The following ECE1 variants were observed in gnomAD, a reference collection of about 807,000 sequenced individuals.
ECE1 encodes endothelin-converting enzyme 1.
In ECE1, 35 loss-of-function variants were observed where a neutral mutation model predicts 98.6. That is an observed-to-expected ratio of 0.35 (90% CI 0.27 to 0.47). The LOEUF is 0.47. Among genes scored for constraint, ECE1 ranks in the 20% least tolerant of loss-of-function variants. ECE1 has a pLI of 1.00. For missense variants in ECE1, 814 were observed against 1,025.3 expected, an observed-to-expected ratio of 0.79 and a Z score of 2.81; for synonymous variants, 394 against 407.1, an observed-to-expected ratio of 0.97 and a Z score of 0.39.
chr1:21,324,896 G>A (rs1639044506), intron 1 of ECE1, among the ~76,000 whole-genome samples: 1 of 152,204 alleles, frequency 6.6e-6, no homozygotes, highest in African/African-American at 2.4e-5. Flanking sequence ...TTTCCTGAAC[G>A]AGCTTTATGG....
intron 2 of ECE1, among the ~76,000 whole-genome samples, chr1:21,281,213 A>AAACAT (rs1206399806): frequency 6.6e-6 from 1 of 152,016 alleles, no homozygotes; most frequent in Non-Finnish European, 1.5e-5. Context: ...AAACAAAACA[A>AAACAT]AACAAAACAA....
Position 21,345,240 on chromosome 1 carries a change from CG to C in ECE1, c.3+135del. The C allele has an allele frequency of 8.8e-7, 1 of 1,131,324 alleles. No individual in the cohort carries two copies. Among genetic ancestry groups the C allele is most frequent in the Non-Finnish European group, 1.1e-6 (1 of 915,836 alleles). The allele number at this position is 1,131,324 out of a possible 1,614,324, so 70.1% of individuals were successfully genotyped here. ...CCCCGACTCCACGCCTTCCGAGAGC[CG>C]GGCGGGGGCTGCTGCTGCAGCCGGC... On this transcript the variant is annotated intron_variant, in intron 1 of 18. Transcript: ENST00000415912. The surrounding 1 kb of genome is among the most constrained non-coding windows in gnomAD (Gnocchi z 5.1).
At chr1:21,341,695 G>A (rs1476418877) in intron 1 of ECE1, among the ~76,000 whole-genome samples, 1 of 152,216 alleles carries the variant, frequency 6.6e-6, no homozygotes, top group Non-Finnish European at 1.5e-5. Flanking sequence ...GGCTGCCCAG[G>A]GTGAAGTACG....
At chr1:21,256,688 C>T (rs2098220402) in intron 7 of ECE1, 1 of 153,262 alleles carries the variant, frequency 6.5e-6, no homozygotes, top group African/African-American at 2.4e-5. Context: ...AGGTCCCCAC[C>T]TGGGCTGGTC....
rs2098234537 is a variant in ECE1, at chr1:21,266,850, T to TG, written c.493+5848dup. On this transcript the variant is annotated intron_variant, in intron 4 of 18. Transcript: ENST00000374893. ...TGCTTCCCTGTCCTTTCCTGCAGGT[T>TG]GGCTCAGAAAACCGGAGGTGAAGCT... 3 of 152,362 alleles carry TG rather than the reference T, an allele frequency of 2.0e-5. No homozygotes were observed. In the South Asian group the frequency reaches 6.2e-4, roughly 32 times the overall value. The allele number at this position is 152,362 out of a possible 1,614,324, so 9.4% of individuals were successfully genotyped here.
Position 21,257,665 on chromosome 1 carries a change from G to A in ECE1, c.763-75C>T, listed in dbSNP as rs138587737. 1,539 of 1,516,316 alleles carry A rather than the reference G, an allele frequency of 1.0e-3. 4 individuals carry two copies. Among genetic ancestry groups the A allele is most frequent in the African/African-American group, 7.4e-3 (540 of 73,240 alleles). The allele number at this position is 1,516,316 out of a possible 1,614,324, so 93.9% of individuals were successfully genotyped here. A position where few individuals can be genotyped will look rare whatever the true frequency, so the allele number is the denominator to read the frequency against. On this transcript the variant is annotated intron_variant, in intron 6 of 18. Coordinates refer to ENST00000374893, the MANE Select transcript of ECE1 (RefSeq NM_001397.3). ...TCCACTGCACGGCCTCCTGCCCTGG[G>A]AATGGCTGGCACATGGCAGCAGAGG...
In ECE1 at chr1:21,225,239, G is replaced by A. The variant is rs374681840; in HGVS notation, c.2040+11C>T. The A allele has an allele frequency of 3.3e-5, 53 of 1,613,660 alleles. No individual in the cohort carries two copies. Among genetic ancestry groups the A allele is most frequent in the Middle Eastern group, 3.3e-4 (2 of 6,076 alleles). The stretch of plus-strand genomic sequence containing the variant: ...CTGGGACCGTGCGCGTGTGGGGAGC[G>A]GGGCTCTCACCCGATAGGCCGCCTT... On this transcript the variant is annotated intron_variant, in intron 17 of 18. Transcript: ENST00000374893. This position sits in a 1 kb window ranked among gnomAD's most constrained non-coding sequence, Gnocchi z 5.3.
In ECE1 at chr1:21,233,322, A is replaced by G; in HGVS notation, c.1670+236T>C. 6.1e-6 allele frequency: 3 copies of G among 489,708 alleles called. No individual in the cohort carries two copies. Among genetic ancestry groups the G allele is most frequent in the East Asian group, 3.6e-5 (1 of 27,792 alleles). The allele number at this position is 489,708 out of a possible 1,614,324, so 30.3% of individuals were successfully genotyped here. On this transcript the variant is annotated intron_variant, in intron 14 of 18. Coordinates refer to ENST00000374893, the MANE Select transcript of ECE1 (RefSeq NM_001397.3). The surrounding 1 kb of genome is among the most constrained non-coding windows in gnomAD (Gnocchi z 4.0). The stretch of plus-strand genomic sequence containing the variant: ...CGGCTCCGCTCCAGAGGCCAGGCTC[A>G]CCCTGCCAACAGGCTGGGCAGGCTC...
rs543699643 is a variant in ECE1 at position 21,253,742 on chromosome 1, G to A, written c.1020+2205C>T. 8.5e-5 allele frequency among the ~76,000 whole-genome samples: 12 copies of A among 141,268 alleles called. No individual in the cohort carries two copies. In the South Asian group the frequency reaches 2.0e-3, roughly 24 times the overall value. 92.7% of individuals were successfully genotyped at this position (141,268 alleles called of 152,430 possible). A position where few individuals can be genotyped will look rare whatever the true frequency, so the allele number is the denominator to read the frequency against. On this transcript the variant is annotated intron_variant, in intron 8 of 18. Transcript: ENST00000374893. The stretch of plus-strand genomic sequence containing the variant: ...GGCGCCACTGCACTCCAGCCTGGGC[G>A]AGAGCGCGAGACTCTGTCTCAAATT...
At chr1:21,244,026 T>C (rs2098199990) in intron 10 of ECE1, among the ~76,000 whole-genome samples, 1 of 152,128 alleles carries the variant, frequency 6.6e-6, no homozygotes, top group Non-Finnish European at 1.5e-5. Flanking sequence ...ATCCTGCCAT[T>C]CTCTGCCAAT....
chr1:21,328,393 T>C (rs1264418994), intron 1 of ECE1, among the ~76,000 whole-genome samples: 1 of 152,222 alleles, frequency 6.6e-6, no homozygotes, highest in Non-Finnish European at 1.5e-5. Context: ...TAGTGGGTCC[T>C]CAGTAAATGG....
At chr1:21,282,581 C>T (rs530894247) in intron 2 of ECE1, among the ~76,000 whole-genome samples, 155 of 130,860 alleles carry the variant, frequency 1.2e-3, no homozygotes, top group African/African-American at 4.8e-3. Context: ...GAGTGAGACG[C>T]TGTCTTGAAA....
intron 1 of ECE1, among the ~76,000 whole-genome samples, chr1:21,301,765 G>A (rs1638488443): frequency 6.8e-6 from 1 of 146,534 alleles, no homozygotes; most frequent in Admixed American, 7.0e-5. Context: ...GGTGGAGGTT[G>A]CCGTGAGCCG....
At chr1:21,266,231 C>A (rs1048484313) in intron 4 of ECE1, 1 of 152,200 alleles carries the variant, frequency 6.6e-6, no homozygotes, top group African/African-American at 2.4e-5. Context: ...GTCTGGGAAT[C>A]CCCCACATGC....
Position 21,233,794 on chromosome 1 carries a change from G to A in ECE1, c.1567-133C>T. On this transcript the variant is annotated intron_variant, in intron 13 of 18. Coordinates refer to ENST00000374893, the MANE Select transcript of ECE1 (RefSeq NM_001397.3). This position sits in a 1 kb window ranked among gnomAD's most constrained non-coding sequence, Gnocchi z 4.0. ...AGACCGGAATGCAGGGCTTGGGGCT[G>A]CAGGGTCAGCTCTTCTCTTGGCCTT... 1 of 791,464 alleles carries A rather than the reference G, an allele frequency of 1.3e-6. No individual in the cohort carries two copies. Among genetic ancestry groups the A allele is most frequent in the South Asian group, 1.5e-5 (1 of 68,004 alleles). The allele number at this position is 791,464 out of a possible 1,614,324, so 49.0% of individuals were successfully genotyped here.
In ECE1 at chr1:21,322,077, C is replaced by G. The variant is rs1025869025; in HGVS notation, c.3+23299G>C. ...TTTGGTCTGGTCTTGTCTCCCTCCT[C>G]CTCTGCCTGAAGCTCCCTCACTGCT... On this transcript the variant is annotated intron_variant, in intron 1 of 18. Transcript: ENST00000415912. This position sits in a 1 kb window ranked among gnomAD's most constrained non-coding sequence, Gnocchi z 4.1. 1.3e-5 allele frequency among the ~76,000 whole-genome samples: 2 copies of G among 152,206 alleles called. No individual in the cohort carries two copies. The highest frequency in any genetic ancestry group is 2.9e-5 in the Non-Finnish European group (2 of 68,046).
At position 21,225,695 on chromosome 1, in the gene ECE1, C is replaced by CTT. The variant is rs11293119; in HGVS notation, c.1850-257_1850-256dup. ...CAGTGGGGCTTGCTTTGTTTTCTTT[C>CTT]TTTTTTTTTTTTTTTTGAGACAGTC... On this transcript the variant is annotated intron_variant, in intron 16 of 18. Transcript: ENST00000374893. The surrounding 1 kb of genome is among the most constrained non-coding windows in gnomAD (Gnocchi z 5.3). Among the ~76,000 whole-genome samples, 100 of 137,300 alleles carry CTT rather than the reference C, an allele frequency of 7.3e-4. 1 individual carries two copies. Among genetic ancestry groups the CTT allele is most frequent in the Middle Eastern group, 7.5e-3 (2 of 268 alleles). 90.1% of individuals were successfully genotyped at this position (137,300 alleles called of 152,430 possible). A position where few individuals can be genotyped will look rare whatever the true frequency, so the allele number is the denominator to read the frequency against.
At chr1:21,300,187 C>T (rs534622029) in intron 1 of ECE1, among the ~76,000 whole-genome samples, 30 of 152,374 alleles carry the variant, frequency 2.0e-4, no homozygotes, top group African/African-American at 7.2e-4. Context: ...CGCAGGGTTC[C>T]CTGCTGCTGG....
chr1:21,313,558 G>T (rs1398130845), intron 1 of ECE1, among the ~76,000 whole-genome samples: 5 of 152,194 alleles, frequency 3.3e-5, no homozygotes, highest in Non-Finnish European at 7.3e-5. Flanking sequence ...CATGATGCAG[G>T]TGGGAGTGGG....
Sources: allele counts gnomAD v4.1 joint callset (sites outside exome capture counted in the v4.1 genomes callset), GRCh38; gene constraint gnomAD v4.1.1; non-coding constraint Gnocchi (gnomAD v3.1); transcripts MANE v1.5; gene names NCBI Gene and HGNC (gene_info 2026-07-23, HGNC 2026-07-21).